LMO7: variants seen among roughly 807,000 people sequenced by gnomAD.
LMO7 encodes LIM domain 7.
In LMO7, 120 loss-of-function variants were observed where a neutral mutation model predicts 206.5. The ratio of observed to expected loss-of-function variants is 0.58; its 90% CI spans 0.50 to 0.68. LMO7 has a LOEUF of 0.68. LMO7 is among the 30% of genes least tolerant of loss of function. LMO7 has a pLI of 0.00. For missense variants in LMO7, 1,959 were observed against 1,957.9 expected, an observed-to-expected ratio of 1.00 and a Z score of -0.01; for synonymous variants, 706 against 681.5, an observed-to-expected ratio of 1.04 and a Z score of -0.56.
intron 3 of LMO7, among the ~76,000 whole-genome samples, chr13:75,729,672 G>C (rs1243668705): frequency 2.0e-5 from 3 of 151,300 alleles, no homozygotes; most frequent in Non-Finnish European, 4.4e-5. Flanking sequence ...ATGTTGAATA[G>C]GAGTGGTGAG....
intron 26 of LMO7, among the ~76,000 whole-genome samples, chr13:75,848,622 T>C (rs1390690860): frequency 7.2e-5 from 1 of 13,844 alleles, no homozygotes; most frequent in Non-Finnish European, 2.0e-4. Flanking sequence ...ATACCCAGTA[T>C]ATATATATAT....
chr13:75,660,014 T>C (rs1279007505), intron 1 of LMO7, among the ~76,000 whole-genome samples: 1 of 152,214 alleles, frequency 6.6e-6, no homozygotes, highest in Non-Finnish European at 1.5e-5. Context: ...CCTTTCTGCA[T>C]TTATGTTGGC....
intron 15 of LMO7, among the ~76,000 whole-genome samples, chr13:75,831,212 A>G: frequency 6.6e-6 from 1 of 152,194 alleles, no homozygotes. Flanking sequence ...CTGCTTTACA[A>G]AGGGCTTTCT....
intron 1 of LMO7, among the ~76,000 whole-genome samples, chr13:75,642,584 C>T (rs1445566251): frequency 6.6e-6 from 1 of 151,470 alleles, no homozygotes; most frequent in Non-Finnish European, 1.5e-5. Flanking sequence ...GCCTGGGTGA[C>T]AGAGTAAGAC....
intron 16 of LMO7, 24 bp from the exon 17 acceptor site, chr13:75,834,202 G>T: frequency 6.5e-7 from 1 of 1,546,268 alleles, no homozygotes; most frequent in Non-Finnish European, 8.7e-7. Context: ...TTCCCCAATT[G>T]GTTAATTTAT....
At chr13:75,725,184 T>C (rs930717855) in intron 2 of LMO7, among the ~76,000 whole-genome samples, 6 of 152,098 alleles carry the variant, frequency 3.9e-5, no homozygotes. Flanking sequence ...ATGAAACCTG[T>C]AATATAAAAA....
intron 3 of LMO7, among the ~76,000 whole-genome samples, chr13:75,731,921 T>C (rs969904845): frequency 1.1e-4 from 17 of 152,092 alleles, no homozygotes; most frequent in Admixed American, 1.0e-3. Flanking sequence ...AATTCTGGGT[T>C]GAAAATTCTT....
At chr13:75,787,889 C>T (rs2052682862) in intron 4 of LMO7, among the ~76,000 whole-genome samples, 1 of 152,132 alleles carries the variant, frequency 6.6e-6, no homozygotes, top group Admixed American at 6.5e-5. Context: ...GTGAAGTATT[C>T]TAAGAATTCA....
intron 4 of LMO7, among the ~76,000 whole-genome samples, chr13:75,771,134 AT>A (rs986650254): frequency 6.6e-5 from 10 of 151,888 alleles, no homozygotes; most frequent in Admixed American, 6.6e-5. Context: ...ATGATCTAAA[AT>A]TTTTTTTCTG....
chr13:75,804,667 A>C, intron 8 of LMO7, 126 bp downstream of exon 8: 1 of 1,201,566 alleles, frequency 8.3e-7, no homozygotes, highest in Non-Finnish European at 1.1e-6. Context: ...ACTAGTGAGA[A>C]TATTTTTCAT....
intron 1 of LMO7, among the ~76,000 whole-genome samples, chr13:75,701,772 G>A (rs1169518242): frequency 2.0e-5 from 3 of 152,170 alleles, no homozygotes; most frequent in Admixed American, 2.0e-4. Context: ...CATTAGAAGT[G>A]ATTTTTGTGA....
chr13:75,641,066 C>T (rs1016113972), intron 1 of LMO7, among the ~76,000 whole-genome samples: 1 of 152,204 alleles, frequency 6.6e-6, no homozygotes, highest in African/African-American at 2.4e-5. Flanking sequence ...TTAGCCCTTA[C>T]CTGGACCTTC....
intron 3 of LMO7, among the ~76,000 whole-genome samples, chr13:75,758,622 CACTTTAGATGTCAAGTTCTTTCTCTCT>C (rs1252965895): frequency 6.6e-6 from 1 of 152,212 alleles, no homozygotes; most frequent in Admixed American, 6.5e-5. Flanking sequence ...TAAGTATAGT[CACTTTAGATGTCAAGTTCTTTCTCTCT>C]ACTTTGGTGG....
chr13:75,709,043 C>G (rs912734345), intron 1 of LMO7, among the ~76,000 whole-genome samples: 1 of 151,784 alleles, frequency 6.6e-6, no homozygotes, highest in African/African-American at 2.4e-5. Context: ...TGAGAACATG[C>G]GGTGTTTGGT....
upstream of LMO7, chr13:75,635,780 G>A (rs1184492250): frequency 3.9e-5 from 6 of 152,064 alleles, no homozygotes; most frequent in East Asian, 2.0e-4. Flanking sequence ...CCGCCGGGAG[G>A]GCCCGGCCGC....
At chr13:75,818,850 C>T (rs1227251427) in intron 12 of LMO7, among the ~76,000 whole-genome samples, 2 of 152,124 alleles carry the variant, frequency 1.3e-5, no homozygotes, top group South Asian at 2.1e-4. Context: ...GTCTGTCTCT[C>T]CCCTGTAGAC....
At chr13:75,805,330 T>G in intron 8 of LMO7, 149 bp from the exon 9 acceptor site, 1 of 973,026 alleles carries the variant, frequency 1.0e-6, no homozygotes, top group Non-Finnish European at 1.5e-6. Context: ...TATAATAACT[T>G]TGTCCTAGGA....
intron 3 of LMO7, among the ~76,000 whole-genome samples, chr13:75,731,326 A>C (rs1182729432): frequency 1.3e-5 from 2 of 152,148 alleles, no homozygotes. Context: ...TATTGGGTGC[A>C]TATATATTTA....
chr13:75,841,525 C>A (rs907179143), intron 23 of LMO7, 103 bp from the exon 24 acceptor site: 1 of 831,250 alleles, frequency 1.2e-6, no homozygotes, highest in Non-Finnish European at 1.9e-6. Context: ...GAGTCCTGGG[C>A]CAACTATAGT....
Sources: allele counts gnomAD v4.1 joint callset (sites outside exome capture counted in the v4.1 genomes callset), GRCh38; gene constraint gnomAD v4.1.1; transcripts MANE v1.5; gene names NCBI Gene and HGNC (gene_info 2026-07-23, HGNC 2026-07-21).